ZNF248: variants seen among roughly 807,000 people sequenced by gnomAD.
The protein encoded by ZNF248 is zinc finger protein 248, also known as KRAB protein domain.
ZNF248 carries 20 observed loss-of-function variants against 44.3 expected under a neutral mutation model. The observed-to-expected ratio is 0.45, with a 90% CI of 0.32 to 0.66. ZNF248 has a LOEUF of 0.66. ZNF248 is among the 30% of genes least tolerant of loss of function. ZNF248 has a pLI of 0.04. For missense variants in ZNF248, 654 were observed against 677.0 expected (o/e 0.97, Z 0.38); for synonymous variants, 224 against 229.0 (o/e 0.98, Z 0.20).
rs759914823 is a variant in ZNF248 at position 37,787,289 on chromosome 10, AAATAAT to A, written c.331-10720_331-10715del. Among the ~76,000 whole-genome samples, 198 of 152,152 alleles carry A rather than the reference AAATAAT, an allele frequency of 1.3e-3. 1 individual carries two copies. The highest frequency in any genetic ancestry group is 2.4e-3 in the Non-Finnish European group (165 of 68,010). On this transcript the variant is annotated intron_variant, in intron 6 of 6. Transcript: ENST00000615949. ...GCAAGACTCTATCTCAAAACAAAAA[AAATAAT>A]AATAATAAGTAAAATACATAAATAA...
chr10:37,804,667 G>A (rs1044694943), intron 6 of ZNF248, among the ~76,000 whole-genome samples: 2 of 152,142 alleles, frequency 1.3e-5, no homozygotes, highest in African/African-American at 4.8e-5. Context: ...GAACTCCTGG[G>A]CTAGAGTGAT....
chr10:37,790,773 A>G (rs1381906160), intron 6 of ZNF248, among the ~76,000 whole-genome samples: 1 of 149,384 alleles, frequency 6.7e-6, no homozygotes, highest in Non-Finnish European at 1.5e-5. Context: ...AAAAAAAGTT[A>G]GCCAAGTGTG....
intron 6 of ZNF248, among the ~76,000 whole-genome samples, chr10:37,811,086 T>C (rs2051416288): frequency 6.6e-6 from 1 of 152,214 alleles, no homozygotes; most frequent in South Asian, 2.1e-4. Context: ...GAAGTACCAC[T>C]AGTGATGCTG....
intron 6 of ZNF248, among the ~76,000 whole-genome samples, chr10:37,798,718 C>T (rs1487673389): frequency 6.6e-6 from 1 of 151,596 alleles, no homozygotes. Context: ...GATATAAAAC[C>T]TAATTTACTT....
chr10:37,846,802 C>T lies in ZNF248; in HGVS notation c.16-8691G>A, dbSNP rs893239922. ...AGAAAATACAGGGATCACAGAAACA[C>T]GTTAAACATAACCACAGTGACACAA... On this transcript the variant is annotated intron_variant, in intron 3 of 5. Transcript: ENST00000395867. 4.6e-5 allele frequency among the ~76,000 whole-genome samples: 7 copies of T among 152,078 alleles called. No individual in the cohort carries two copies. The South Asian group carries it at 1.0e-3, about 23-fold the overall frequency.
intron 5 of ZNF248, among the ~76,000 whole-genome samples, chr10:37,834,928 A>G (rs895616943): frequency 2.6e-5 from 4 of 152,218 alleles, no homozygotes; most frequent in African/African-American, 9.6e-5. Context: ...GACAGGTAGC[A>G]AGGGCTACAC....
chr10:37,780,559 T>C (rs1159960485), intron 6 of ZNF248, among the ~76,000 whole-genome samples: 1 of 152,200 alleles, frequency 6.6e-6, no homozygotes, highest in Non-Finnish European at 1.5e-5. Flanking sequence ...GATAGACATA[T>C]TAACAGCATC....
At chr10:37,797,506 G>A (rs2049293666) in intron 6 of ZNF248, among the ~76,000 whole-genome samples, 1 of 152,094 alleles carries the variant, frequency 6.6e-6, no homozygotes, top group African/African-American at 2.4e-5. Context: ...CATCAAAAAA[G>A]TGAAAAGACA....
At chr10:37,827,637 C>A (rs76664229), downstream of ZNF248, among the ~76,000 whole-genome samples, 1 of 151,856 alleles carries the variant, frequency 6.6e-6, no homozygotes, top group African/African-American at 2.4e-5. Flanking sequence ...AGTCACTGGA[C>A]GAGAGATGAA....
At chr10:37,819,702 C>T in intron 6 of ZNF248, 1 of 786,288 alleles carries the variant, frequency 1.3e-6, no homozygotes, top group East Asian at 2.4e-5. Flanking sequence ...TTGAAGATTT[C>T]TTCTTGTTCA....
chr10:37,818,680 A>G, intron 6 of ZNF248: 1 of 541,030 alleles, frequency 1.8e-6, no homozygotes, highest in South Asian at 1.8e-5. Context: ...ACAAAGACCA[A>G]TTTTTGGATA....
At chr10:37,821,920 TGCCCAGAACCAGTTCTAC>T (rs1239564035) in intron 6 of ZNF248, among the ~76,000 whole-genome samples, 7 of 152,318 alleles carry the variant, frequency 4.6e-5, no homozygotes, top group South Asian at 2.1e-4. Flanking sequence ...TCCAGTTCTC[TGCCCAGAACCAGTTCTAC>T]GCCCAGAACC....
intron 6 of ZNF248, chr10:37,818,765 G>A (rs1489429604): frequency 8.2e-6 from 6 of 728,008 alleles, no homozygotes; most frequent in African/African-American, 3.6e-5. Context: ...GCCAAACATC[G>A]TCAAATAAAC....
At chr10:37,774,425 C>T (rs2046422481), downstream of ZNF248, among the ~76,000 whole-genome samples, 1 of 152,106 alleles carries the variant, frequency 6.6e-6, no homozygotes, top group Non-Finnish European at 1.5e-5. Context: ...TGTTTCAGCT[C>T]TCGAGGGGTT....
At chr10:37,826,907 T>C (rs2054473652), downstream of ZNF248, among the ~76,000 whole-genome samples, 1 of 152,210 alleles carries the variant, frequency 6.6e-6, no homozygotes, top group African/African-American at 2.4e-5. Context: ...TACAGGCTCA[T>C]ATATATTGGT....
At chr10:37,817,992 T>G (rs1033510305) in intron 6 of ZNF248, among the ~76,000 whole-genome samples, 4 of 152,126 alleles carry the variant, frequency 2.6e-5, no homozygotes, top group African/African-American at 9.7e-5. Context: ...CTCGGCTCAC[T>G]GCAAGCTCCG....
intron 6 of ZNF248, among the ~76,000 whole-genome samples, chr10:37,784,477 G>A (rs1361136072): frequency 6.6e-6 from 1 of 152,150 alleles, no homozygotes; most frequent in Non-Finnish European, 1.5e-5. Context: ...TGGCTAAATT[G>A]GTAAATCAGA....
chr10:37,765,676 G>T, the ZNF248 span, among the ~76,000 whole-genome samples: 4 of 152,338 alleles, frequency 2.6e-5, no homozygotes, highest in Admixed American at 2.0e-4. Flanking sequence ...AACAGCTCTG[G>T]TCTACAGCTC....
chr10:37,813,839 C>G (rs1187382386), intron 6 of ZNF248, among the ~76,000 whole-genome samples: 1 of 152,176 alleles, frequency 6.6e-6, no homozygotes, highest in Non-Finnish European at 1.5e-5. Flanking sequence ...GCACTCACTC[C>G]TGCTCTTTTT....
Sources: allele counts gnomAD v4.1 joint callset (sites outside exome capture counted in the v4.1 genomes callset), GRCh38; gene constraint gnomAD v4.1.1; transcripts MANE v1.5; gene names NCBI Gene and HGNC (gene_info 2026-07-23, HGNC 2026-07-21).